Variants in DPYD observed in about 807,000 individuals in gnomAD.
DPYD encodes dihydropyrimidine dehydrogenase [NADP(+)].
A neutral mutation model predicts 116.2 loss-of-function variants in DPYD; 109 were observed. That is an observed-to-expected ratio of 0.94 (90% CI 0.80 to 1.10). DPYD has a LOEUF of 1.10. DPYD is among the 50% of genes least tolerant of loss of function. DPYD has a pLI of 0.00. For synonymous variants in DPYD, 440 were observed against 432.0 expected (o/e 1.02, Z -0.23); for missense variants, 1,302 against 1,254.5 (o/e 1.04, Z -0.57).
chr1:97,884,559 A>T (rs1672389039), intron 1 of DPYD, among the ~76,000 whole-genome samples: 1 of 152,070 alleles, frequency 6.6e-6, no homozygotes, highest in South Asian at 2.1e-4. Flanking sequence ...GGCAGCTGAG[A>T]TTGTATTAGA....
intron 19 of DPYD, among the ~76,000 whole-genome samples, chr1:97,197,253 A>T (rs987346142): frequency 5.3e-5 from 8 of 152,152 alleles, no homozygotes; most frequent in African/African-American, 1.9e-4. Context: ...ATTATAAGGA[A>T]CATCATTATC....
chr1:97,668,979 A>G (rs1035407090), intron 8 of DPYD, among the ~76,000 whole-genome samples: 1 of 152,078 alleles, frequency 6.6e-6, no homozygotes, highest in Admixed American at 6.6e-5. Flanking sequence ...CCAAATACCA[A>G]TATCTTAATC....
In DPYD at chr1:97,658,971, T is replaced by C. The variant is rs17117044; in HGVS notation, c.850+20124A>G. On this transcript the variant is annotated intron_variant, in intron 8 of 22. Transcript: ENST00000370192. ...CTTCTCCCTCTAACTTCTCTTTTCC[T>C]GTTAACTCCTAATCATCTTTGCAAC... Among the ~76,000 whole-genome samples, 401 of 152,260 alleles carry C rather than the reference T, an allele frequency of 2.6e-3. 12 individuals are homozygous for C. The East Asian group carries it at 0.064, about 24-fold the overall frequency.
chr1:97,531,603 T>A (rs920837496), intron 12 of DPYD, among the ~76,000 whole-genome samples: 2 of 152,126 alleles, frequency 1.3e-5, no homozygotes, highest in African/African-American at 4.8e-5. Flanking sequence ...ATTGTTTTTG[T>A]TATTTGGGTA....
chr1:97,636,357 T>C (rs1349176061), intron 8 of DPYD, among the ~76,000 whole-genome samples: 2 of 152,118 alleles, frequency 1.3e-5, no homozygotes, highest in Admixed American at 1.3e-4. Flanking sequence ...TAGGTCTCTA[T>C]TTCTTACTCC....
chr1:97,150,252 G>C (rs1404789330), intron 20 of DPYD, among the ~76,000 whole-genome samples: 1 of 144,898 alleles, frequency 6.9e-6, no homozygotes, highest in Non-Finnish European at 1.5e-5. Flanking sequence ...CAAATGTTTA[G>C]TACACACTGT....
chr1:97,720,169 C>G, intron 5 of DPYD: 1 of 970,720 alleles, frequency 1.0e-6, no homozygotes, highest in Non-Finnish European at 1.2e-6. Context: ...CTCTCTCACA[C>G]ACACACACAC....
intron 13 of DPYD, among the ~76,000 whole-genome samples, chr1:97,462,847 C>T (rs1677102502): frequency 1.3e-5 from 2 of 152,226 alleles, no homozygotes; most frequent in South Asian, 4.1e-4. Context: ...AAGAGTCTGG[C>T]ATATTTTTAA....
chr1:97,766,489 C>A (rs189465724), intron 3 of DPYD, among the ~76,000 whole-genome samples: 4 of 151,958 alleles, frequency 2.6e-5, no homozygotes, highest in Admixed American at 2.6e-4. Context: ...AATTGTTTTT[C>A]CTTATAGTCT....
chr1:97,671,736 C>G (rs574334051), intron 8 of DPYD, among the ~76,000 whole-genome samples: 2 of 151,922 alleles, frequency 1.3e-5, no homozygotes. Flanking sequence ...AAACCAACAC[C>G]AACTCTCATA....
At chr1:97,123,505 A>C (rs1652603447) in intron 20 of DPYD, among the ~76,000 whole-genome samples, 1 of 152,116 alleles carries the variant, frequency 6.6e-6, no homozygotes, top group Admixed American at 6.6e-5. Context: ...AATCTGATAA[A>C]CAAAGTAAAT....
chr1:97,444,828 G>A (rs914816496), intron 14 of DPYD, among the ~76,000 whole-genome samples: 1 of 151,968 alleles, frequency 6.6e-6, no homozygotes, highest in African/African-American at 2.4e-5. Flanking sequence ...CATAAACTTG[G>A]GTGAGAAAAC....
intron 18 of DPYD, among the ~76,000 whole-genome samples, chr1:97,262,554 GT>G (rs951195132): frequency 1.3e-5 from 2 of 151,962 alleles, no homozygotes; most frequent in African/African-American, 4.8e-5. Context: ...AAATTCTAAA[GT>G]TTTGAGAGTA....
chr1:97,880,621 T>C (rs10875113), intron 2 of DPYD, among the ~76,000 whole-genome samples: 110,237 of 151,752 alleles, frequency 0.73, 40,678 homozygotes, highest in East Asian at 0.93. Context: ...GAGATTACTA[T>C]TTTAACATAG....
At chr1:97,153,674 T>C (rs1053825684) in intron 20 of DPYD, among the ~76,000 whole-genome samples, 3 of 152,092 alleles carry the variant, frequency 2.0e-5, no homozygotes, top group Admixed American at 1.3e-4. Context: ...AAAAACTTCC[T>C]GTATAGCAAA....
At chr1:97,130,778 TTTCCTTCCCTCCTTCCCTCTCTCCC>T (rs1653241218) in intron 20 of DPYD, among the ~76,000 whole-genome samples, 1 of 31,558 alleles carries the variant, frequency 3.2e-5, no homozygotes, top group South Asian at 8.3e-4. Flanking sequence ...CCTTCCTTCC[TTTCCTTCCCTCCTTCCCTCTCTCCC>T]TCTTTCTTTC....
chr1:97,314,986 C>T (rs1399454835), intron 16 of DPYD, among the ~76,000 whole-genome samples: 1 of 151,938 alleles, frequency 6.6e-6, no homozygotes. Context: ...GAAATGGAAG[C>T]AGGGCTCAGA....
chr1:97,290,752 T>C (rs374765363), intron 18 of DPYD, among the ~76,000 whole-genome samples: 3 of 151,872 alleles, frequency 2.0e-5, no homozygotes, highest in African/African-American at 7.2e-5. Context: ...AACCTAGGCA[T>C]TACCATTCAG....
intron 8 of DPYD, among the ~76,000 whole-genome samples, chr1:97,659,339 T>A (rs568213541): frequency 2.0e-5 from 3 of 152,146 alleles, no homozygotes; most frequent in Admixed American, 1.3e-4. Context: ...TGCTTATAAA[T>A]TGGCAGTCTG....
Sources: allele counts gnomAD v4.1 joint callset (sites outside exome capture counted in the v4.1 genomes callset), GRCh38; gene constraint gnomAD v4.1.1; transcripts MANE v1.5; gene names NCBI Gene and HGNC (gene_info 2026-07-23, HGNC 2026-07-21).